The following WDPCP variants were observed in gnomAD, a reference collection of about 807,000 sequenced individuals.
The protein encoded by WDPCP is WD repeat-containing and planar cell polarity effector protein fritz homolog.
Under a neutral mutation model 93.1 loss-of-function variants are expected in WDPCP, and 71 were observed. That is an observed-to-expected ratio of 0.76 (90% confidence interval 0.63 to 0.93). The LOEUF is 0.93. WDPCP is among the 40% of genes least tolerant of loss of function. The pLI is 0.00. For missense variants in WDPCP, 844 were observed against 887.4 expected (o/e 0.95, Z 0.62); for synonymous variants, 315 against 315.0 (o/e 1.00, Z 0.00).
intron 1 of WDPCP, among the ~76,000 whole-genome samples, chr2:63,821,063 C>G (rs112482840): frequency 4.6e-5 from 7 of 152,146 alleles, no homozygotes; most frequent in African/African-American, 1.7e-4. Context: ...ACATTTAATT[C>G]GACATGTGAC....
intron 9 of WDPCP, among the ~76,000 whole-genome samples, chr2:63,427,906 C>G (rs1171521359): frequency 1.3e-5 from 2 of 151,954 alleles, no homozygotes; most frequent in Non-Finnish European, 2.9e-5. Flanking sequence ...TACAACTGAT[C>G]CCAGAGGAAT....
intron 3 of WDPCP, among the ~76,000 whole-genome samples, chr2:63,607,980 A>G (rs933120830): frequency 2.6e-5 from 4 of 152,238 alleles, no homozygotes; most frequent in Non-Finnish European, 5.9e-5. Context: ...AATAGAATAT[A>G]GAAACCCACC....
At chr2:63,690,176 C>G (rs1306090247) in intron 2 of WDPCP, among the ~76,000 whole-genome samples, 2 of 152,186 alleles carry the variant, frequency 1.3e-5, no homozygotes, top group Non-Finnish European at 2.9e-5. Context: ...CAAAGCACTT[C>G]TAACAGGTTA....
chr2:63,615,960 A>G (rs1709667926), intron 3 of WDPCP, among the ~76,000 whole-genome samples: 1 of 152,180 alleles, frequency 6.6e-6, no homozygotes, highest in Non-Finnish European at 1.5e-5. Context: ...CTCAGGCTTG[A>G]GCTGGGGCAT....
intron 12 of WDPCP, among the ~76,000 whole-genome samples, chr2:63,372,769 G>A (rs1363627120): frequency 6.6e-6 from 1 of 152,016 alleles, no homozygotes; most frequent in Non-Finnish European, 1.5e-5. Flanking sequence ...TGATTTTTCT[G>A]TCAATATTGA....
At chr2:63,213,255 G>C (rs527995231) in intron 14 of WDPCP, among the ~76,000 whole-genome samples, 94 of 152,248 alleles carry the variant, frequency 6.2e-4, no homozygotes, top group Middle Eastern at 6.8e-3. Context: ...TAAAAGAACA[G>C]AAATTATAAC....
chr2:63,483,074 C>T (rs569689607), intron 6 of WDPCP, among the ~76,000 whole-genome samples: 306 of 152,008 alleles, frequency 2.0e-3, no homozygotes, highest in Middle Eastern at 3.4e-3. Flanking sequence ...TCATTAAACT[C>T]TATCTAAAAA....
In WDPCP at chr2:63,404,493, T is replaced by C. The variant is rs371090606; in HGVS notation, c.990A>G (p.Ser330=). 144 of 1,613,980 alleles carry C rather than the reference T, an allele frequency of 8.9e-5. No homozygotes were observed. Among genetic ancestry groups the C allele is most frequent in the Non-Finnish European group, 1.1e-4 (131 of 1,179,982 alleles). Residue 330 remains serine (S), a synonymous_variant, in exon 10 of 18, where the codon TCA becomes TCG. Coordinates refer to ENST00000272321, the MANE Select transcript of WDPCP (RefSeq NM_015910.7). ...ECIRNKIQCV[S]VTRIPLKSKA... is the part of the protein sequence containing the mutation. ...TTGACTTTAGTGGTATTCTGGTGAC[T>C]GACACACACTGGATTTTATTCCGAA...
At chr2:63,131,833 C>CTTTTTTT (rs55670342) in intron 17 of WDPCP, among the ~76,000 whole-genome samples, 5 of 107,726 alleles carry the variant, frequency 4.6e-5, no homozygotes, top group Non-Finnish European at 7.5e-5. Context: ...ATACAGTATT[C>CTTTTTTT]TTTTTTTTTT....
intron 2 of WDPCP, among the ~76,000 whole-genome samples, chr2:63,702,682 C>T (rs942924449): frequency 1.7e-4 from 25 of 151,498 alleles, no homozygotes; most frequent in Non-Finnish European, 3.4e-4. Context: ...GGACTGCAGG[C>T]GCCCACCACC....
At chr2:63,511,246 A>T (rs1440603559) in intron 1 of WDPCP, among the ~76,000 whole-genome samples, 1 of 152,210 alleles carries the variant, frequency 6.6e-6, no homozygotes, top group Non-Finnish European at 1.5e-5. Context: ...GAAATCAGAG[A>T]GGACACAAAC....
intron 10 of WDPCP, among the ~76,000 whole-genome samples, chr2:63,392,731 T>G (rs989089671): frequency 6.6e-6 from 1 of 152,158 alleles, no homozygotes; most frequent in Non-Finnish European, 1.5e-5. Flanking sequence ...GCAAAGCATA[T>G]GAACAGACAC....
intron 1 of WDPCP, among the ~76,000 whole-genome samples, chr2:63,497,801 C>T (rs538674963): frequency 9.9e-5 from 15 of 152,246 alleles, no homozygotes; most frequent in African/African-American, 3.6e-4. Flanking sequence ...TTGTATTATT[C>T]AAATATTGTA....
At chr2:63,563,879 A>G (rs940163793) in intron 1 of WDPCP, among the ~76,000 whole-genome samples, 5 of 152,186 alleles carry the variant, frequency 3.3e-5, no homozygotes, top group Non-Finnish European at 5.9e-5. Context: ...TTCACTTTAT[A>G]AACTACCCAC....
rs1694428574 is a variant in WDPCP at position 63,404,657 on chromosome 2, C to T, written c.826G>A (p.Val276Ile). Residue 276 changes from valine (V) to isoleucine (I), a missense_variant and splice_region_variant, in exon 10 of 18, where the codon GTT (valine) becomes ATT (isoleucine). Transcript: ENST00000272321. ...CATTCTGTGCGGACAGAACTCAGAA[C>T]CTGTTAAGAAATATATCAAGTACAT... ...LLGYAQGRLE[V>I]LSSVRTEWDP... is the part of the protein sequence containing the mutation. The T allele has an allele frequency of 6.2e-7, 1 of 1,613,824 alleles. No individual in the cohort carries two copies. The highest frequency in any genetic ancestry group is 8.5e-7 in the Non-Finnish European group (1 of 1,179,946).
chr2:63,412,826 G>T (rs933673422), intron 9 of WDPCP, among the ~76,000 whole-genome samples: 1 of 151,180 alleles, frequency 6.6e-6, no homozygotes, highest in African/African-American at 2.4e-5. Flanking sequence ...GGAGTCGAAA[G>T]ATCTCTACGA....
intron 2 of WDPCP, among the ~76,000 whole-genome samples, chr2:63,796,815 T>C (rs974724402): frequency 1.6e-4 from 25 of 152,298 alleles, no homozygotes; most frequent in African/African-American, 5.5e-4. Flanking sequence ...TGTGCTGGGC[T>C]TGGAGCCAGT....
At chr2:63,382,219 A>G (rs1302805197) in intron 10 of WDPCP, 125 bp from the exon 11 acceptor site, 2 of 874,606 alleles carry the variant, frequency 2.3e-6, no homozygotes, top group Non-Finnish European at 3.5e-6. Context: ...TGTGGGACTG[A>G]TCTCCTTCTC....
At chr2:63,758,206 C>T (rs1322194966) in intron 2 of WDPCP, among the ~76,000 whole-genome samples, 1 of 151,684 alleles carries the variant, frequency 6.6e-6, no homozygotes, top group African/African-American at 2.4e-5. Context: ...CCCAGCACCA[C>T]TGAATTGGAA....
Sources: allele counts gnomAD v4.1 joint callset (sites outside exome capture counted in the v4.1 genomes callset), GRCh38; gene constraint gnomAD v4.1.1; transcripts MANE v1.5; gene names NCBI Gene and HGNC (gene_info 2026-07-23, HGNC 2026-07-21).